SH2D7: variants seen among roughly 807,000 people sequenced by gnomAD.
The protein encoded by SH2D7 is SH2 domain-containing protein 7.
In SH2D7, 32 loss-of-function variants were observed where a neutral mutation model predicts 40.8. The ratio of observed to expected loss-of-function variants is 0.78; its 90% CI spans 0.59 to 1.05. The LOEUF (loss-of-function observed/expected upper bound fraction) is 1.05. Among genes scored for constraint, SH2D7 ranks in the 50% least tolerant of loss-of-function variants. SH2D7 has a pLI of 0.00. For synonymous variants in SH2D7, 195 were observed against 221.5 expected (o/e 0.88, Z 1.06); for missense variants, 559 against 566.6 (o/e 0.99, Z 0.14).
At chr15:78,101,598 G>T in intron 5 of SH2D7, 40 bp downstream of exon 5, 1 of 1,517,954 alleles carries the variant, frequency 6.6e-7, no homozygotes. Context: ...CCAGCCCTTA[G>T]AGAGCACCTG....
intron 2 of SH2D7, among the ~76,000 whole-genome samples, chr15:78,094,910 A>T (rs966759145): frequency 3.9e-5 from 6 of 152,194 alleles, no homozygotes; most frequent in African/African-American, 1.2e-4. Context: ...AAAGGCAAAG[A>T]TGGTGATGTC....
chr15:78,101,674 A>G (rs2074018503), intron 5 of SH2D7, 116 bp downstream of exon 5: 2 of 1,247,854 alleles, frequency 1.6e-6, no homozygotes, highest in Admixed American at 2.9e-5. Flanking sequence ...GCCTGGAAGT[A>G]CACAGAATTT....
intron 4 of SH2D7, 134 bp downstream of exon 4, chr15:78,098,730 G>T: frequency 9.4e-7 from 1 of 1,069,272 alleles, no homozygotes. Flanking sequence ...CCAGAGGTGC[G>T]GACCCAGCTT....
upstream of SH2D7, chr15:78,091,188 ATC>A (rs1249640779): frequency 6.6e-6 from 1 of 152,234 alleles, no homozygotes; most frequent in East Asian, 1.9e-4. Flanking sequence ...GAAACCAAGC[ATC>A]TCTGTCTTAC....
Position 78,097,952 on chromosome 15 carries a change from T to TGAG in SH2D7, c.290_291insGAG (p.Phe97delinsLeuSer). The TGAG allele has an allele frequency of 6.2e-7, 1 of 1,610,106 alleles. No individual in the cohort carries two copies. The highest frequency in any genetic ancestry group is 1.1e-5 in the South Asian group (1 of 90,514). On this transcript the variant is annotated protein_altering_variant, in exon 3 of 6. Coordinates refer to ENST00000328828, the MANE Select transcript of SH2D7 (RefSeq NM_001101404.2). ...AGGGGCAGTGATCGCTGCCGACATT[T>TGAG]TGTCATCAACCAGCTTCGAAACCGG...
At chr15:78,100,784 G>A in intron 4 of SH2D7, 115 bp from the exon 5 acceptor site, 1 of 1,140,408 alleles carries the variant, frequency 8.8e-7, no homozygotes, top group South Asian at 1.6e-5. Context: ...TGCATGTACG[G>A]GCAGGAGGAC....
At position 78,103,675 on chromosome 15, in the gene SH2D7, G is replaced by A; in HGVS notation, c.*160G>A. On this transcript the variant is annotated 3_prime_UTR_variant, in exon 6 of 6. Coordinates refer to ENST00000328828, the MANE Select transcript of SH2D7 (RefSeq NM_001101404.2). ...TCCGAGACAGCCGAGGTGCCTGCCT[G>A]AGAGCAGGTGGAAGAGGACCTTGCA... 1.2e-6 allele frequency: 1 copy of A among 846,366 alleles called. No homozygotes were observed. The highest frequency in any genetic ancestry group is 1.8e-6 in the Non-Finnish European group (1 of 557,322). 52.4% of individuals were successfully genotyped at this position (846,366 alleles called of 1,614,324 possible).
Position 78,092,727 on chromosome 15 carries a change from T to C in SH2D7, c.143T>C (p.Leu48Pro), listed in dbSNP as rs2073947478. 1 of 1,606,780 alleles carries C rather than the reference T, an allele frequency of 6.2e-7. No homozygotes were observed. The highest frequency in any genetic ancestry group is 8.5e-7 in the Non-Finnish European group (1 of 1,176,578). The change falls in exon 1 of 6, where the codon CTG becomes CCG. Residue 48 changes from leucine (L) to proline (P), a missense_variant. Coordinates refer to ENST00000328828, the MANE Select transcript of SH2D7 (RefSeq NM_001101404.2). ...QAPFILQNGA[L>P]PPWFHGFITR... ...CCCTTCATTCTGCAGAACGGTGCCCTGCCTCCCTGGTTTCATGGATTCATC... is the reference window on the plus strand; with the variant it reads ...CCCTTCATTCTGCAGAACGGTGCCCCGCCTCCCTGGTTTCATGGATTCATC...
In SH2D7 at chr15:78,097,976, G is replaced by T. The variant is rs748563057; in HGVS notation, c.314G>T (p.Arg105Leu). The change falls in exon 3 of 6, where the codon CGG becomes CTG. Residue 105 changes from arginine to leucine, a missense_variant. Coordinates refer to ENST00000328828, the MANE Select transcript of SH2D7 (RefSeq NM_001101404.2). ...TTTGTCATCAACCAGCTTCGAAACC[G>T]GCGTTACATCATCTCAGGAGACACC... The part of the protein sequence containing the change: ...RHFVINQLRN[R>L]RYIISGDTQS... The T allele has an allele frequency of 1.9e-6, 3 of 1,611,182 alleles. No homozygotes were observed. Among genetic ancestry groups the T allele is most frequent in the South Asian group, 1.1e-5 (1 of 90,618 alleles).
intron 5 of SH2D7, among the ~76,000 whole-genome samples, chr15:78,101,961 T>A (rs999620846): frequency 6.6e-6 from 1 of 152,098 alleles, no homozygotes; most frequent in Admixed American, 6.5e-5. Flanking sequence ...AAACAACAAA[T>A]ATTTTTGAGG....
intron 1 of SH2D7, 135 bp downstream of exon 1, chr15:78,092,895 A>G: frequency 1.7e-6 from 2 of 1,189,168 alleles, no homozygotes; most frequent in Non-Finnish European, 2.3e-6. Flanking sequence ...GGCGGGGGGC[A>G]GGGGAACAGA....
intron 3 of SH2D7, 90 bp from the exon 4 acceptor site, chr15:78,098,294 T>C: frequency 1.3e-6 from 2 of 1,496,852 alleles, no homozygotes; most frequent in Non-Finnish European, 1.8e-6. Flanking sequence ...GGTGGGAATG[T>C]TGCAGTCTCT....
At chr15:78,092,887 C>A in intron 1 of SH2D7, 127 bp downstream of exon 1, 1 of 1,208,316 alleles carries the variant, frequency 8.3e-7, no homozygotes, top group Non-Finnish European at 1.1e-6. Context: ...CCCTTGGAGG[C>A]GGGGGGCAGG....
chr15:78,100,558 A>G (rs2074006848), intron 4 of SH2D7, among the ~76,000 whole-genome samples: 1 of 152,128 alleles, frequency 6.6e-6, no homozygotes, highest in African/African-American at 2.4e-5. Context: ...TTACCTGGGC[A>G]TGATGGTGGG....
chr15:78,092,529 A>G (rs2073945795), upstream of SH2D7: 3 of 1,495,380 alleles, frequency 2.0e-6, no homozygotes, highest in African/African-American at 1.4e-5. Context: ...GAGCACACGC[A>G]GATATAGAGG....
chr15:78,090,655 ATC>A (rs1392195287), upstream of SH2D7, among the ~76,000 whole-genome samples: 1 of 151,926 alleles, frequency 6.6e-6, no homozygotes, highest in Non-Finnish European at 1.5e-5. Context: ...CATCATCATC[ATC>A]ATCATCAAAT....
In SH2D7 at chr15:78,103,736, T is replaced by C; in HGVS notation, c.*221T>C. ...GCTCCTGGCTATGTCCTGCTTTCCT[T>C]GTGCCTCCCATCCATGCACAGGAGG... On this transcript the variant is annotated 3_prime_UTR_variant, in exon 6 of 6. Coordinates refer to ENST00000328828, the MANE Select transcript of SH2D7 (RefSeq NM_001101404.2). The C allele has an allele frequency of 1.8e-6, 1 of 561,358 alleles. No homozygotes were observed. The highest frequency in any genetic ancestry group is 3.2e-6 in the Non-Finnish European group (1 of 316,314). 34.8% of individuals were successfully genotyped at this position (561,358 alleles called of 1,614,324 possible).
In SH2D7 at chr15:78,100,848, A is replaced by AGCTTT. The variant is rs2074009127; in HGVS notation, c.646-51_646-50insGCTTT. On this transcript the variant is annotated intron_variant, in intron 4 of 5. Coordinates refer to ENST00000328828, the MANE Select transcript of SH2D7 (RefSeq NM_001101404.2). ...TCTGAGAGAGTTTTTACTGGAGGGC[A>AGCTTT]TCTTAGTGATGGGCTGCCCCTTAAG... The AGCTTT allele has an allele frequency of 1.1e-5, 17 of 1,583,054 alleles. No homozygotes were observed. In the Admixed American group the frequency reaches 2.5e-4, roughly 24 times the overall value.
intron 5 of SH2D7, 100 bp from the exon 6 acceptor site, chr15:78,103,365 T>A: frequency 7.2e-7 from 1 of 1,396,290 alleles, no homozygotes; most frequent in Admixed American, 2.2e-5. Flanking sequence ...TGTCCTAGGC[T>A]TGGGCCCCCA....
Sources: gnomAD v4.1 joint callset for allele counts (sites outside exome capture counted in the v4.1 genomes callset) on GRCh38, gnomAD v4.1.1 for gene constraint, MANE v1.5 for transcripts, NCBI Gene and HGNC (gene_info 2026-07-23, HGNC 2026-07-21) for gene names.